PRKCB: variants seen among roughly 807,000 people sequenced by gnomAD.
The protein encoded by PRKCB is protein kinase C beta type.
Under a neutral mutation model 81.5 loss-of-function variants are expected in PRKCB, and 13 were observed. The ratio of observed to expected loss-of-function variants is 0.16; its 90% CI spans 0.10 to 0.25. The LOEUF (loss-of-function observed/expected upper bound fraction) is 0.25. Ranked by LOEUF, PRKCB falls within the 10% of genes least tolerant of loss-of-function variation. The probability of loss-of-function intolerance (pLI) is 1.00; values close to 1 mark genes in which losing one functional copy is unlikely to be tolerated. For missense variants in PRKCB, 509 were observed against 875.7 expected (o/e 0.58, Z 5.29); for synonymous variants, 335 against 321.4 (o/e 1.04, Z -0.45).
At position 24,191,020 on chromosome 16, in the gene PRKCB, A is replaced by T; in HGVS notation, c.1723-70A>T. 1.9e-6 allele frequency: 3 copies of T among 1,538,650 alleles called. No individual in the cohort carries two copies. The South Asian group carries it at 3.6e-5, about 18-fold the overall frequency. ...CTTTCTTTCCTAATGCATTGGAGTA[A>T]TAATTTCTGAGTGTCTTACATTTCC... On this transcript the variant is annotated intron_variant, in intron 15 of 16. Coordinates refer to ENST00000643927, the MANE Select transcript of PRKCB (RefSeq NM_002738.7).
At chr16:23,981,261 T>G (rs1964698209) in intron 2 of PRKCB, among the ~76,000 whole-genome samples, 1 of 152,036 alleles carries the variant, frequency 6.6e-6, no homozygotes, top group Non-Finnish European at 1.5e-5. Context: ...TTGCGTTCCC[T>G]TCCAGAAATG....
chr16:23,957,980 AATT>A (rs1037595470), intron 2 of PRKCB, among the ~76,000 whole-genome samples: 4 of 152,160 alleles, frequency 2.6e-5, no homozygotes, highest in African/African-American at 9.7e-5. Context: ...ATGTGTTATT[AATT>A]ATTATTATGT....
At chr16:24,210,777 G>A (rs1472538798) in intron 16 of PRKCB, among the ~76,000 whole-genome samples, 2 of 152,134 alleles carry the variant, frequency 1.3e-5, no homozygotes, top group Non-Finnish European at 2.9e-5. Context: ...TGGGATTATA[G>A]GCGTGAGCTA....
At chr16:23,838,231 G>T (rs926427598) in intron 2 of PRKCB, among the ~76,000 whole-genome samples, 2 of 152,226 alleles carry the variant, frequency 1.3e-5, no homozygotes, top group South Asian at 4.1e-4. Flanking sequence ...AGAACTGGGA[G>T]ATTTCACATA....
At chr16:23,939,992 A>G (rs1414706647) in intron 2 of PRKCB, among the ~76,000 whole-genome samples, 1 of 152,198 alleles carries the variant, frequency 6.6e-6, no homozygotes, top group Non-Finnish European at 1.5e-5. Context: ...AGAGCCCTCA[A>G]GTTTCAGCTG....
At chr16:23,938,086 T>C (rs759899787) in intron 2 of PRKCB, among the ~76,000 whole-genome samples, 2 of 152,120 alleles carry the variant, frequency 1.3e-5, no homozygotes, top group Non-Finnish European at 2.9e-5. Flanking sequence ...AACCATGGCT[T>C]GAGAAGAGGA....
intron 2 of PRKCB, among the ~76,000 whole-genome samples, chr16:23,921,310 A>C (rs1963821427): frequency 2.6e-5 from 4 of 152,088 alleles, no homozygotes; most frequent in Admixed American, 1.3e-4. Context: ...TATTAATAAG[A>C]CCCACCTCAT....
intron 13 of PRKCB, among the ~76,000 whole-genome samples, chr16:24,182,733 A>G (rs1161881455): frequency 6.6e-6 from 1 of 152,056 alleles, no homozygotes; most frequent in Non-Finnish European, 1.5e-5. Context: ...GAGGGGAGGC[A>G]ACTTCACCAG....
chr16:23,972,146 G>A (rs995543091), intron 2 of PRKCB, among the ~76,000 whole-genome samples: 6 of 152,172 alleles, frequency 3.9e-5, no homozygotes, highest in Non-Finnish European at 7.3e-5. Context: ...GCATGCGCGA[G>A]TCTCAAAAAC....
chr16:24,006,469 A>G (rs1965123076), intron 3 of PRKCB, among the ~76,000 whole-genome samples: 2 of 152,234 alleles, frequency 1.3e-5, no homozygotes, highest in Non-Finnish European at 2.9e-5. Context: ...CATGCTGTAG[A>G]GGGCATAGCT....
At chr16:24,014,175 T>C (rs190263827) in intron 3 of PRKCB, among the ~76,000 whole-genome samples, 3 of 152,030 alleles carry the variant, frequency 2.0e-5, no homozygotes, top group Admixed American at 2.0e-4. Flanking sequence ...AGTTGAATAA[T>C]CTTATGTTGT....
chr16:23,837,090 A>G (rs564309229), intron 1 of PRKCB: 4 of 512,800 alleles, frequency 7.8e-6, no homozygotes, highest in African/African-American at 4.0e-5. Context: ...CTATGGGTAC[A>G]TCTGTCGCCT....
chr16:23,870,821 T>G (rs1367652723), intron 2 of PRKCB, among the ~76,000 whole-genome samples: 1 of 152,184 alleles, frequency 6.6e-6, no homozygotes, highest in Non-Finnish European at 1.5e-5. Context: ...TGCACTCTAG[T>G]CTACAGATCA....
intron 2 of PRKCB, among the ~76,000 whole-genome samples, chr16:23,949,548 G>A (rs1376784621): frequency 6.6e-6 from 1 of 152,098 alleles, no homozygotes; most frequent in Non-Finnish European, 1.5e-5. Flanking sequence ...TTTATTCTTT[G>A]TCTCCTTTAT....
chr16:24,039,019 G>T (rs1309059665), intron 5 of PRKCB, among the ~76,000 whole-genome samples: 1 of 152,076 alleles, frequency 6.6e-6, no homozygotes, highest in African/African-American at 2.4e-5. Context: ...GAGGTTGTGA[G>T]GGTGGGGCCC....
At chr16:23,887,869 A>G (rs954785135) in intron 2 of PRKCB, among the ~76,000 whole-genome samples, 1 of 152,110 alleles carries the variant, frequency 6.6e-6, no homozygotes, top group Non-Finnish European at 1.5e-5. Flanking sequence ...TGCATAAGCT[A>G]TCTGAGTGGC....
chr16:23,947,385 C>T (rs1964216663), intron 2 of PRKCB, among the ~76,000 whole-genome samples: 1 of 152,220 alleles, frequency 6.6e-6, no homozygotes, highest in South Asian at 2.1e-4. Context: ...ACCTGGGCTC[C>T]TCTCCTCATT....
At chr16:23,993,423 C>G (rs1964914333) in intron 3 of PRKCB, among the ~76,000 whole-genome samples, 1 of 152,070 alleles carries the variant, frequency 6.6e-6, no homozygotes, top group Non-Finnish European at 1.5e-5. Flanking sequence ...GCCTGACCTC[C>G]CCTGGTTTAA....
intron 9 of PRKCB, among the ~76,000 whole-genome samples, chr16:24,129,232 T>C (rs954767506): frequency 2.0e-5 from 3 of 152,186 alleles, no homozygotes; most frequent in Non-Finnish European, 4.4e-5. Context: ...GAGGCTTTCT[T>C]GTTCTCTTAT....
Sources: allele counts gnomAD v4.1 joint callset (sites outside exome capture counted in the v4.1 genomes callset), GRCh38; gene constraint gnomAD v4.1.1; transcripts MANE v1.5; gene names NCBI Gene and HGNC (gene_info 2026-07-23, HGNC 2026-07-21).